IL10RB: variants seen among roughly 807,000 people sequenced by gnomAD.
IL10RB encodes the protein interleukin 10 receptor subunit beta.
In IL10RB, 30 loss-of-function variants were observed where a neutral mutation model predicts 38.7. The ratio of observed to expected loss-of-function variants is 0.78; its 90% confidence interval spans 0.58 to 1.05. The LOEUF (loss-of-function observed/expected upper bound fraction) is 1.05. Among genes scored for constraint, IL10RB ranks in the 50% least tolerant of loss-of-function variants. The pLI is 0.00. For synonymous variants in IL10RB, 142 were observed against 145.9 expected (o/e 0.97, Z 0.19); for missense variants, 328 against 397.1 (o/e 0.83, Z 1.48).
downstream of IL10RB, among the ~76,000 whole-genome samples, chr21:33,300,005 T>G (rs1458022929): frequency 6.6e-6 from 1 of 152,198 alleles, no homozygotes. Context: ...GAATGCATCC[T>G]TCCCATGCAC....
At chr21:33,295,193 G>A (rs1174383810) in intron 6 of IL10RB, among the ~76,000 whole-genome samples, 1 of 151,882 alleles carries the variant, frequency 6.6e-6, no homozygotes, top group Non-Finnish European at 1.5e-5. Context: ...GTGAAACCCT[G>A]TCTCTACTAA....
intron 6 of IL10RB, among the ~76,000 whole-genome samples, chr21:33,288,629 G>A (rs1489958134): frequency 6.6e-6 from 1 of 152,114 alleles, no homozygotes; most frequent in African/African-American, 2.4e-5. Context: ...AGAGAAAACT[G>A]GAGGCTAAAT....
chr21:33,283,047 G>A, intron 4 of IL10RB, 47 bp from the exon 5 acceptor site: 7 of 1,453,600 alleles, frequency 4.8e-6, no homozygotes, highest in Non-Finnish European at 6.8e-6. Context: ...AAAAGGTGGT[G>A]CCCTTCCACT....
rs1042356155 is a variant in IL10RB at position 33,266,485 on chromosome 21, G to C, written c.20G>C (p.Ser7Thr). The C allele has an allele frequency of 5.8e-6, 9 of 1,542,726 alleles. No homozygotes were observed. The highest frequency in any genetic ancestry group is 7.0e-6 in the Non-Finnish European group (8 of 1,147,180). MAWSLG[S>T]WLGGCLLVSA... is the part of the protein sequence containing the mutation. ...CCGTCCATGGCGTGGAGCCTTGGGA[G>C]CTGGCTGGGTGGCTGCCTGCTGGTG... The change falls in exon 1 of 7, where the codon AGC becomes ACC. Residue 7 changes from serine to threonine, a missense_variant. Coordinates refer to ENST00000290200, the MANE Select transcript of IL10RB (RefSeq NM_000628.5).
chr21:33,271,264 ACT>A (rs1337296268), intron 2 of IL10RB, among the ~76,000 whole-genome samples: 1 of 152,092 alleles, frequency 6.6e-6, no homozygotes, highest in Non-Finnish European at 1.5e-5. Context: ...CACAGCACAA[ACT>A]CTCTGTTGTT....
At position 33,288,379 on chromosome 21, in the gene IL10RB, GCGCACA is replaced by G. The variant is rs879216635; in HGVS notation, c.804+120_804+125del. 4.5e-5 allele frequency: 29 copies of G among 651,682 alleles called. 1 individual carries two copies. The Middle Eastern group carries it at 1.0e-3, about 23-fold the overall frequency. The allele number at this position is 651,682 out of a possible 1,614,324, so 40.4% of individuals were successfully genotyped here. A position where few individuals can be genotyped will look rare whatever the true frequency, so the allele number is the denominator to read the frequency against. On this transcript the variant is annotated intron_variant, in intron 6 of 6. Transcript: ENST00000290200. ...TTTCCAGGAAAACACACACGCGCGC[GCGCACA>G]CACACACACACACACACACAGACAC...
chr21:33,274,417 G>C (rs796366363), intron 2 of IL10RB, among the ~76,000 whole-genome samples: 1 of 151,960 alleles, frequency 6.6e-6, no homozygotes, highest in Non-Finnish European at 1.5e-5. Context: ...CAAGTGATTT[G>C]CCCGCCTTGG....
At chr21:33,307,358 C>G (rs954199344) in intron 1 of IL10RB, among the ~76,000 whole-genome samples, 3 of 152,196 alleles carry the variant, frequency 2.0e-5, no homozygotes, top group African/African-American at 7.2e-5. Context: ...CTTGCCTGTT[C>G]TGGACAGTGG....
rs1315685364 is a variant in IL10RB, at chr21:33,296,615, T to C, written c.*258T>C. On this transcript the variant is annotated 3_prime_UTR_variant, in exon 7 of 7. Transcript: ENST00000290200. ...GAAGTTGGCCACTGAGAGTGTAATT[T>C]TCAGCCTTTTATATCACTAAAATAA... 1.6e-6 allele frequency: 1 copy of C among 618,138 alleles called. No homozygotes were observed. The highest frequency in any genetic ancestry group is 3.0e-6 in the Non-Finnish European group (1 of 332,346). The allele number at this position is 618,138 out of a possible 1,614,324, so 38.3% of individuals were successfully genotyped here. A position where few individuals can be genotyped will look rare whatever the true frequency, so the allele number is the denominator to read the frequency against.
rs560170312 is a variant in IL10RB, at chr21:33,278,946, A to G, written c.332-806A>G. 2.6e-5 allele frequency among the ~76,000 whole-genome samples: 4 copies of G among 152,392 alleles called. No individual in the cohort carries two copies. The South Asian group carries it at 6.2e-4, about 24-fold the overall frequency. ...TGGAACCATTTATGAATCATTCTAT[A>G]GTTATTATTGAGTACATCTGTGTAA... On this transcript the variant is annotated intron_variant, in intron 3 of 6. Transcript: ENST00000290200.
intron 4 of IL10RB, among the ~76,000 whole-genome samples, chr21:33,280,247 C>T (rs894944945): frequency 4.6e-5 from 7 of 152,214 alleles, no homozygotes; most frequent in Admixed American, 2.0e-4. Context: ...CCCATGACAT[C>T]AACCCCTGTG....
At chr21:33,295,357 GAA>G (rs59137986) in intron 6 of IL10RB, among the ~76,000 whole-genome samples, 50 of 55,860 alleles carry the variant, frequency 9.0e-4, no homozygotes, top group African/African-American at 2.3e-3. Context: ...GACTCCGTCT[GAA>G]AAAAAAAAAA....
At chr21:33,285,726 C>G (rs1474060988) in intron 5 of IL10RB, among the ~76,000 whole-genome samples, 1 of 152,210 alleles carries the variant, frequency 6.6e-6, no homozygotes, top group East Asian at 1.9e-4. Context: ...AATGAGTCTC[C>G]GGGCGCCAAA....
exon 2 of IL10RB, chr21:33,309,898 T>G (rs996558575): frequency 3.9e-5 from 6 of 152,232 alleles, no homozygotes; most frequent in Non-Finnish European, 8.8e-5. Context: ...ATTCACATGT[T>G]GAAACCCTAA....
intron 2 of IL10RB, among the ~76,000 whole-genome samples, chr21:33,270,542 G>A (rs1418536912): frequency 5.3e-5 from 8 of 150,928 alleles, no homozygotes; most frequent in African/African-American, 1.5e-4. Context: ...CACCACGCCC[G>A]GCTAATTTTT....
intron 1 of IL10RB, chr21:33,268,100 T>C: frequency 1.5e-6 from 1 of 657,546 alleles, no homozygotes; most frequent in Non-Finnish European, 2.3e-6. Flanking sequence ...CGTCTGGAAA[T>C]ATATCTGAAA....
intron 5 of IL10RB, among the ~76,000 whole-genome samples, chr21:33,285,171 A>T (rs1198787024): frequency 6.6e-6 from 1 of 152,178 alleles, no homozygotes; most frequent in Non-Finnish European, 1.5e-5. Flanking sequence ...GGTTACAGGT[A>T]TGAGCCACCA....
intron 4 of IL10RB, 127 bp downstream of exon 4, chr21:33,280,045 G>T: frequency 2.4e-6 from 2 of 834,514 alleles, no homozygotes; most frequent in Non-Finnish European, 4.1e-6. Context: ...AGGGGTTACT[G>T]GTATCTCTGG....
chr21:33,290,083 T>C (rs891531924), intron 6 of IL10RB, among the ~76,000 whole-genome samples: 2 of 150,546 alleles, frequency 1.3e-5, no homozygotes, highest in Admixed American at 6.6e-5. Context: ...CACTGCACTC[T>C]AACCTGGGCA....
Sources: gnomAD v4.1 joint callset for allele counts (sites outside exome capture counted in the v4.1 genomes callset) on GRCh38, gnomAD v4.1.1 for gene constraint, MANE v1.5 for transcripts, NCBI Gene and HGNC (gene_info 2026-07-23, HGNC 2026-07-21) for gene names.